Variants in HGF observed in about 807,000 individuals in gnomAD.
HGF encodes the protein fibroblast-derived tumor cytotoxic factor.
HGF carries 39 observed loss-of-function variants against 111.6 expected under a neutral mutation model. That is an observed-to-expected ratio of 0.35 (90% confidence interval 0.27 to 0.46). HGF has a LOEUF of 0.46. HGF is among the 20% of genes least tolerant of loss of function. The pLI is 1.00. For synonymous variants in HGF, 285 were observed against 294.8 expected (o/e 0.97, Z 0.34); for missense variants, 735 against 910.5 (o/e 0.81, Z 2.48).
chr7:81,710,427 A>G (rs574938184), intron 12 of HGF, among the ~76,000 whole-genome samples, 184 bp from the exon 13 acceptor site: 1 of 152,316 alleles, frequency 6.6e-6, no homozygotes, highest in African/African-American at 2.4e-5. Context: ...AACACTTGCC[A>G]TCTTCATCTA....
At chr7:81,740,859 C>T (rs780838444) in intron 7 of HGF, among the ~76,000 whole-genome samples, 2 of 152,070 alleles carry the variant, frequency 1.3e-5, no homozygotes, top group Non-Finnish European at 2.9e-5. Flanking sequence ...CTTTTGAGAC[C>T]CTAGCAAGGA....
At chr7:81,719,070 G>A (rs769211703) in intron 10 of HGF, among the ~76,000 whole-genome samples, 10 of 151,868 alleles carry the variant, frequency 6.6e-5, no homozygotes, top group Non-Finnish European at 1.0e-4. Context: ...CTTCTCTGTG[G>A]ACATTGACCA....
At chr7:81,724,914 T>C (rs1231561609) in intron 9 of HGF, among the ~76,000 whole-genome samples, 8 of 152,230 alleles carry the variant, frequency 5.3e-5, no homozygotes, top group Admixed American at 5.2e-4. Context: ...TACCGCTCCC[T>C]GAGGCAGTTA....
chr7:81,764,409 A>G (rs1411087389), intron 1 of HGF, among the ~76,000 whole-genome samples: 2 of 152,154 alleles, frequency 1.3e-5, no homozygotes, highest in African/African-American at 2.4e-5. Flanking sequence ...GCCTTACAGG[A>G]TAGAATGGCT....
chr7:81,768,788 C>T (rs1789490661), intron 1 of HGF, among the ~76,000 whole-genome samples: 1 of 152,050 alleles, frequency 6.6e-6, no homozygotes. Context: ...TCAGAGTGAC[C>T]CTTTCCAAAC....
At chr7:81,751,350 C>T in intron 5 of HGF, 1 of 984,808 alleles carries the variant, frequency 1.0e-6, no homozygotes, top group Non-Finnish European at 1.2e-6. Context: ...ATTCAGTAGC[C>T]AGATAACTAA....
Position 81,757,552 on chromosome 7 carries a change from T to C in HGF, c.368-249A>G, listed in dbSNP as rs551512204. Among the ~76,000 whole-genome samples, 12 of 152,320 alleles carry C rather than the reference T, an allele frequency of 7.9e-5. No individual in the cohort carries two copies. The South Asian group carries it at 2.5e-3, about 32-fold the overall frequency. On this transcript the variant is annotated intron_variant, in intron 3 of 17. Coordinates refer to ENST00000222390, the MANE Select transcript of HGF (RefSeq NM_000601.6). ...ATAGATAGCTCCAGAGAGCAGTCGC[T>C]GTACTTAACATAGTCTGTATACTCA... is the stretch of plus-strand genomic sequence containing the variant.
At chr7:81,753,045 T>C (rs985899462) in intron 4 of HGF, among the ~76,000 whole-genome samples, 1 of 152,118 alleles carries the variant, frequency 6.6e-6, no homozygotes, top group Non-Finnish European at 1.5e-5. Context: ...TCTTCAATAA[T>C]TTTGATCATT....
At chr7:81,714,150 A>C (rs1340379622) in intron 11 of HGF, among the ~76,000 whole-genome samples, 1 of 152,106 alleles carries the variant, frequency 6.6e-6, no homozygotes, top group Non-Finnish European at 1.5e-5. Context: ...TCCATGAAGA[A>C]ATCGATGTTC....
intron 10 of HGF, among the ~76,000 whole-genome samples, chr7:81,719,565 T>C (rs1279287778): frequency 6.6e-6 from 1 of 152,240 alleles, no homozygotes; most frequent in Admixed American, 6.5e-5. Flanking sequence ...AATTATTTTG[T>C]ATTAAATACA....
intron 5 of HGF, among the ~76,000 whole-genome samples, chr7:81,750,134 T>C (rs919630954): frequency 1.4e-4 from 22 of 152,306 alleles, no homozygotes; most frequent in African/African-American, 5.3e-4. Context: ...CACATTATTT[T>C]GTATATTTTA....
At chr7:81,767,922 G>T (rs542969594) in intron 1 of HGF, among the ~76,000 whole-genome samples, 2 of 151,756 alleles carry the variant, frequency 1.3e-5, no homozygotes, top group African/African-American at 2.4e-5. Context: ...TATTTTAAAG[G>T]TTATTAAAAA....
At chr7:81,763,085 G>T in intron 1 of HGF, 1 of 541,636 alleles carries the variant, frequency 1.8e-6, no homozygotes, top group East Asian at 3.1e-5. Context: ...TTGTCATGTA[G>T]AGTCACTCAT....
At chr7:81,739,533 A>G (rs574090308) in intron 7 of HGF, among the ~76,000 whole-genome samples, 5 of 141,292 alleles carry the variant, frequency 3.5e-5, no homozygotes, top group South Asian at 2.4e-4. Flanking sequence ...ATGTATTTTC[A>G]AAGATCTTTT....
At chr7:81,736,495 C>T (rs562537056) in intron 7 of HGF, among the ~76,000 whole-genome samples, 1 of 152,124 alleles carries the variant, frequency 6.6e-6, no homozygotes, top group Non-Finnish European at 1.5e-5. Flanking sequence ...TTGTTAATCT[C>T]TTATTGTGCC....
At chr7:81,732,130 T>C (rs910139294) in intron 7 of HGF, among the ~76,000 whole-genome samples, 2 of 152,180 alleles carry the variant, frequency 1.3e-5, no homozygotes, top group African/African-American at 4.8e-5. Flanking sequence ...TGAGTCCAGG[T>C]GTCAATCAGT....
intron 9 of HGF, among the ~76,000 whole-genome samples, chr7:81,725,251 C>G (rs1266779913): frequency 6.6e-6 from 1 of 152,212 alleles, no homozygotes; most frequent in Non-Finnish European, 1.5e-5. Context: ...CCAATTGCCT[C>G]TCTAATCTCA....
In HGF at chr7:81,721,150, A is replaced by G. The variant is rs141004439; in HGVS notation, c.1169-303T>C. ...TAGTCCCAGCTACTCGAGAGGCTGAAGCAGGAGAATGGCGTGAACCCGGGA... is the reference window on the plus strand; with the variant it reads ...TAGTCCCAGCTACTCGAGAGGCTGAGGCAGGAGAATGGCGTGAACCCGGGA... On this transcript the variant is annotated intron_variant, in intron 9 of 17. Coordinates refer to ENST00000222390, the MANE Select transcript of HGF (RefSeq NM_000601.6). Among the ~76,000 whole-genome samples the G allele has an allele frequency of 0.049, 7,445 of 152,184 alleles. 226 individuals carry two copies. The highest frequency in any genetic ancestry group is 0.075 in the Middle Eastern group (22 of 294).
At chr7:81,706,154 CAT>C in intron 15 of HGF, 131 bp downstream of exon 15, 1 of 792,784 alleles carries the variant, frequency 1.3e-6, no homozygotes, top group Middle Eastern at 2.3e-4. Context: ...CGCATATATA[CAT>C]ATATATACAG....
Sources: allele counts gnomAD v4.1 joint callset (sites outside exome capture counted in the v4.1 genomes callset), GRCh38; gene constraint gnomAD v4.1.1; transcripts MANE v1.5; gene names NCBI Gene and HGNC (gene_info 2026-07-23, HGNC 2026-07-21).